The following FARS2 variants were observed in gnomAD, a reference collection of about 807,000 sequenced individuals.
FARS2 encodes the protein phenylalanyl-tRNA synthetase 2, mitochondrial, also known as phenylalanine--tRNA ligase, mitochondrial.
Under a neutral mutation model 46.4 loss-of-function variants are expected in FARS2, and 40 were observed. The ratio of observed to expected loss-of-function variants is 0.86; its 90% CI spans 0.67 to 1.12. FARS2 has a LOEUF of 1.12. Ranked by LOEUF, FARS2 falls within the 50% of genes most tolerant of loss-of-function variation. The probability of loss-of-function intolerance (pLI) is 0.00; values close to 1 mark genes in which losing one functional copy is unlikely to be tolerated. For synonymous variants in FARS2, 234 were observed against 214.9 expected (o/e 1.09, Z -0.78); for missense variants, 513 against 567.9 (o/e 0.90, Z 0.98).
upstream of FARS2, among the ~76,000 whole-genome samples, chr6:5,259,581 T>TGGGCAGACCCATCTCAGGGCC (rs1764866477): frequency 6.6e-6 from 1 of 152,086 alleles, no homozygotes; most frequent in South Asian, 2.1e-4. Context: ...GAGGTTGTAC[T>TGGGCAGACCCATCTCAGGGCC]GGGCAGACCC....
chr6:5,644,124 A>G (rs528042202), intron 6 of FARS2, among the ~76,000 whole-genome samples: 222 of 152,246 alleles, frequency 1.5e-3, no homozygotes, highest in Non-Finnish European at 2.6e-3. Context: ...CTGCCACAGC[A>G]CCATCACCAC....
intron 6 of FARS2, among the ~76,000 whole-genome samples, chr6:5,683,266 A>G (rs1779123843): frequency 6.6e-6 from 1 of 152,232 alleles, no homozygotes; most frequent in Admixed American, 6.5e-5. Flanking sequence ...TGAAGGCAGA[A>G]TGCACAGGGC....
At chr6:5,433,488 G>A (rs886119802) in intron 4 of FARS2, among the ~76,000 whole-genome samples, 1 of 152,168 alleles carries the variant, frequency 6.6e-6, no homozygotes, top group Non-Finnish European at 1.5e-5. Context: ...TTACCTCTTT[G>A]ACCTGTAGTC....
chr6:5,253,364 T>C, the FARS2 span, among the ~76,000 whole-genome samples: 1 of 152,194 alleles, frequency 6.6e-6, no homozygotes, highest in Non-Finnish European at 1.5e-5. Flanking sequence ...TGCTGTTTGA[T>C]ACTGGAATAA....
chr6:5,631,474 G>A (rs1776290038), intron 6 of FARS2, among the ~76,000 whole-genome samples: 1 of 152,170 alleles, frequency 6.6e-6, no homozygotes, highest in African/African-American at 2.4e-5. Flanking sequence ...CAAAATTCAA[G>A]GTCCCTCTAA....
At position 5,469,356 on chromosome 6, in the gene FARS2, C is replaced by T. The variant is rs550850128; in HGVS notation, c.904+38184C>T. 3.9e-5 allele frequency among the ~76,000 whole-genome samples: 6 copies of T among 152,354 alleles called. No individual in the cohort carries two copies. The South Asian group carries it at 6.2e-4, about 16-fold the overall frequency. ...GCCTGTCTCCCATTGTGCGGAGCCC[C>T]GCCCCACACTTCATATCCCTGCTGT... On this transcript the variant is annotated intron_variant, in intron 4 of 6. Transcript: ENST00000274680.
intron 6 of FARS2, among the ~76,000 whole-genome samples, chr6:5,758,101 G>A (rs1422807673): frequency 6.6e-6 from 1 of 152,148 alleles, no homozygotes; most frequent in African/African-American, 2.4e-5. Context: ...CTGTGATACA[G>A]CTATGAAACA....
Position 5,764,392 on chromosome 6 carries a change from C to G in FARS2, c.1218-6899C>G, listed in dbSNP as rs894204080. Among the ~76,000 whole-genome samples the G allele has an allele frequency of 6.6e-6, 1 of 152,066 alleles. No individual in the cohort carries two copies. Among genetic ancestry groups the G allele is most frequent in the Non-Finnish European group, 1.5e-5 (1 of 68,012 alleles). On this transcript the variant is annotated intron_variant, in intron 6 of 6. Transcript: ENST00000274680. The surrounding 1 kb of genome is among the most constrained non-coding windows in gnomAD (Gnocchi z 4.1). ...CTCCTGCCTTACTGTGCCTCTTGCC[C>G]GAGTCCAGCCCTACCCACTAAAGCA...
At chr6:5,338,437 A>G (rs1771315248) in intron 1 of FARS2, among the ~76,000 whole-genome samples, 1 of 152,144 alleles carries the variant, frequency 6.6e-6, no homozygotes, top group African/African-American at 2.4e-5. Flanking sequence ...TCTCCTCAGC[A>G]GTCTTTTGCA....
At chr6:5,732,537 A>G (rs1304314439) in intron 6 of FARS2, among the ~76,000 whole-genome samples, 1 of 152,248 alleles carries the variant, frequency 6.6e-6, no homozygotes, top group Admixed American at 6.5e-5. Context: ...ATAAATGACC[A>G]TGAATGAAAT....
At chr6:5,441,720 C>T (rs139869922) in intron 4 of FARS2, among the ~76,000 whole-genome samples, 108 of 152,226 alleles carry the variant, frequency 7.1e-4, no homozygotes, top group African/African-American at 2.5e-3. Flanking sequence ...ATTCTTGCAC[C>T]TCTGAATGTA....
chr6:5,266,992 C>T (rs886821399), intron 1 of FARS2, among the ~76,000 whole-genome samples: 2 of 151,872 alleles, frequency 1.3e-5, no homozygotes, highest in Non-Finnish European at 2.9e-5. Context: ...AAAATCTGTT[C>T]TCTGTTTTGA....
intron 1 of FARS2, among the ~76,000 whole-genome samples, chr6:5,303,453 GTTGAGGC>G (rs1026048525): frequency 2.6e-5 from 4 of 152,070 alleles, no homozygotes; most frequent in African/African-American, 9.7e-5. Flanking sequence ...CCATCTGCTG[GTTGAGGC>G]TTGTTAGGGC....
chr6:5,730,942 A>C (rs1221767811), intron 6 of FARS2, among the ~76,000 whole-genome samples: 4 of 152,220 alleles, frequency 2.6e-5, no homozygotes, highest in Non-Finnish European at 4.4e-5. Context: ...GCCCAATGTC[A>C]CACAGCTACT....
chr6:5,267,104 A>T (rs185960758), intron 1 of FARS2, among the ~76,000 whole-genome samples: 139 of 151,668 alleles, frequency 9.2e-4, no homozygotes, highest in East Asian at 4.1e-3. Flanking sequence ...AAAATTGACA[A>T]TTTATTTTGT....
intron 6 of FARS2, among the ~76,000 whole-genome samples, chr6:5,681,893 G>A (rs902976776): frequency 6.6e-6 from 1 of 152,120 alleles, no homozygotes; most frequent in Non-Finnish European, 1.5e-5. Flanking sequence ...AATTTGTAAA[G>A]TGATTTAGAG....
chr6:5,652,657 G>A (rs1371339267), intron 6 of FARS2, among the ~76,000 whole-genome samples: 2 of 152,240 alleles, frequency 1.3e-5, no homozygotes, highest in African/African-American at 2.4e-5. Context: ...AGGGGATTCT[G>A]TTGACAGAGA....
intron 5 of FARS2, among the ~76,000 whole-genome samples, chr6:5,549,867 A>G (rs1336561763): frequency 6.6e-6 from 1 of 152,184 alleles, no homozygotes; most frequent in Non-Finnish European, 1.5e-5. Flanking sequence ...CATTCAGCCT[A>G]TCCCAAGGTC....
intron 4 of FARS2, among the ~76,000 whole-genome samples, chr6:5,515,179 A>T (rs1768711597): frequency 6.6e-6 from 1 of 152,176 alleles, no homozygotes; most frequent in Non-Finnish European, 1.5e-5. Context: ...GACAGTAATA[A>T]TAAAAACTTT....
Sources: gnomAD v4.1 joint callset for allele counts (sites outside exome capture counted in the v4.1 genomes callset) on GRCh38, gnomAD v4.1.1 for gene constraint, Gnocchi (gnomAD v3.1) non-coding constraint, MANE v1.5 for transcripts, NCBI Gene and HGNC (gene_info 2026-07-23, HGNC 2026-07-21) for gene names.